KANK3: variants seen among roughly 807,000 people sequenced by gnomAD.
The protein encoded by KANK3 is KN motif and ankyrin repeat domain-containing protein 3.
A neutral mutation model predicts 65.4 loss-of-function variants in KANK3; 61 were observed. The observed-to-expected ratio is 0.93, with a 90% CI of 0.76 to 1.15. The LOEUF is 1.15. Among genes scored for constraint, KANK3 ranks in the 50% most tolerant of loss-of-function variants. KANK3 has a pLI of 0.00. For missense variants in KANK3, 1,187 were observed against 1,178.8 expected, an observed-to-expected ratio of 1.01 and a Z score of -0.10; for synonymous variants, 586 against 543.3, an observed-to-expected ratio of 1.08 and a Z score of -1.09.
Position 8,333,421 on chromosome 19 carries a change from G to A in KANK3, c.1720-191C>T, listed in dbSNP as rs1970566047. ...GGCTGGGGCCACACCCCTATCGGAG[G>A]GCAAACACGGGGGAAGGGGGTCCTT... On this transcript the variant is annotated intron_variant, in intron 6 of 10. Coordinates refer to ENST00000330915, the MANE Select transcript of KANK3 (RefSeq NM_198471.3). The surrounding 1 kb of genome is among the most constrained non-coding windows in gnomAD (Gnocchi z 5.0). Among the ~76,000 whole-genome samples, 1 of 152,200 alleles carries A rather than the reference G, an allele frequency of 6.6e-6. No individual in the cohort carries two copies. Among genetic ancestry groups the A allele is most frequent in the African/African-American group, 2.4e-5 (1 of 41,462 alleles).
intron 2 of KANK3, among the ~76,000 whole-genome samples, chr19:8,337,015 G>A (rs963989562): frequency 2.0e-5 from 3 of 146,764 alleles, no homozygotes; most frequent in Admixed American, 1.4e-4. Context: ...AGTGCCATAG[G>A]TGGGGTGTTT....
In KANK3 at chr19:8,324,666, G is replaced by T. The variant is rs1013364741; in HGVS notation, c.2247C>A (p.Leu749=). ...YGRLDTVRLL[L]TQPGCDPAIL... ...TGGCAGGGTCACAGCCTGGCTGGGT[G>T]AGCAGCAGCCGCACGGTGTCCAGGC... Residue 749 remains leucine, a synonymous_variant, in exon 9 of 11, where the codon CTC becomes CTA. Transcript: ENST00000330915. The T allele has an allele frequency of 1.2e-6, 2 of 1,613,894 alleles. No homozygotes were observed. The highest frequency in any genetic ancestry group is 1.7e-6 in the Non-Finnish European group (2 of 1,180,034).
In KANK3 at chr19:8,334,758, G is replaced by A. The variant is rs764515890; in HGVS notation, c.1069C>T (p.Leu357=). 4 of 1,508,410 alleles carry A rather than the reference G, an allele frequency of 2.7e-6. No homozygotes were observed. In the South Asian group the frequency reaches 3.7e-5, roughly 14 times the overall value. 93.4% of individuals were successfully genotyped at this position (1,508,410 alleles called of 1,614,324 possible). A position where few individuals can be genotyped will look rare whatever the true frequency, so the allele number is the denominator to read the frequency against. Residue 357 remains leucine, a synonymous_variant, in exon 3 of 11, where the codon CTG becomes TTG. Transcript: ENST00000330915. ...LPAAAERELE[L]LRASLEHQRG... ...TGGTGCTCCAGACTGGCGCGCAGCA[G>A]CTCTAGCTCGCGCTCGGCGGCCGCA...
intron 7 of KANK3, among the ~76,000 whole-genome samples, chr19:8,325,698 A>C (rs1367282746): frequency 6.6e-6 from 1 of 152,204 alleles, no homozygotes; most frequent in African/African-American, 2.4e-5. Flanking sequence ...TGTTGACTGA[A>C]TAATAAAAGG....
chr19:8,328,042 C>CCAA (rs1970458543), intron 7 of KANK3, among the ~76,000 whole-genome samples: 1 of 152,162 alleles, frequency 6.6e-6, no homozygotes, highest in South Asian at 2.1e-4. Flanking sequence ...ACACTGGAGG[C>CCAA]CAAGGCAGGA....
rs1461423988 is a variant in KANK3 at position 8,322,830 on chromosome 19, C to T, written c.*9G>A. ...CCACAGCTAGGTGTAGTGAGCCAGA[C>T]GAGGCAGCTTACTGAACCTGGGGGT... On this transcript the variant is annotated 3_prime_UTR_variant, in exon 11 of 11. Transcript: ENST00000330915. 1.8e-5 allele frequency: 29 copies of T among 1,601,898 alleles called. No homozygotes were observed. Among genetic ancestry groups the T allele is most frequent in the Non-Finnish European group, 2.3e-5 (27 of 1,172,332 alleles).
At chr19:8,323,357 G>A (rs535035975) in intron 10 of KANK3, 1 of 155,398 alleles carries the variant, frequency 6.4e-6, no homozygotes, top group Admixed American at 6.5e-5. Flanking sequence ...GCTGAAGTGT[G>A]GTTTTTACTA....
In KANK3 at chr19:8,324,508, G is replaced by A; in HGVS notation, c.2323C>T (p.Gln775Ter). The A allele has an allele frequency of 8.1e-6, 13 of 1,613,360 alleles. No homozygotes were observed. The highest frequency in any genetic ancestry group is 1.1e-5 in the Non-Finnish European group (13 of 1,179,700). ...TGTAGCAGAGCGGCCACCTCATCCT[G>A]CTCAGCCTCCAGGGCGATGGCCAGG... ...SALAIALEAEQDEVAALLHAH... is the reference protein window; with the variant it reads ...SALAIALEAE The change falls in exon 10 of 11, where the codon CAG (glutamine) becomes TAG (stop). Residue 775 changes from glutamine to a stop codon, truncating the protein, a stop_gained. Transcript: ENST00000330915. LOFTEE classifies it high-confidence loss of function.
Position 8,334,431 on chromosome 19 carries a change from G to T in KANK3, c.1328-12C>A. The T allele has an allele frequency of 6.2e-7, 1 of 1,613,394 alleles. No individual in the cohort carries two copies. The highest frequency in any genetic ancestry group is 8.5e-7 in the Non-Finnish European group (1 of 1,180,006). ...GGATTTGAGGATGCCTGGCGGGGAT[G>T]AGATGAGGGCACTGAGTTCGAGTCC... On this transcript the variant is annotated splice_polypyrimidine_tract_variant and intron_variant, in intron 3 of 10. Coordinates refer to ENST00000330915, the MANE Select transcript of KANK3 (RefSeq NM_198471.3).
Position 8,325,052 on chromosome 19 carries a change from G to A in KANK3, c.1981C>T (p.Leu661Phe). 1.9e-6 allele frequency: 3 copies of A among 1,613,930 alleles called. No individual in the cohort carries two copies. The highest frequency in any genetic ancestry group is 2.5e-6 in the Non-Finnish European group (3 of 1,180,024). ...ACAGAGGTGAGTGCAGCCAGCATGA[G>A]GGCCGAGTAGCCGGCTCGGTTCTGG... is the stretch of plus-strand genomic sequence containing the variant. ...NRQNRAGYSA[L>F]MLAALTSVRQ... The change falls in exon 8 of 11, where the codon CTC (leucine) becomes TTC (phenylalanine). Residue 661 changes from leucine (L) to phenylalanine (F), a missense_variant. Physicochemically the swap from Leu to Phe is conservative, Grantham distance 22 (BLOSUM62 0). Transcript: ENST00000330915.
At position 8,333,119 on chromosome 19, in the gene KANK3, G is replaced by A. The variant is rs1305428307; in HGVS notation, c.1831C>T (p.Leu611=). The A allele has an allele frequency of 1.2e-6, 2 of 1,613,020 alleles. No individual in the cohort carries two copies. The highest frequency in any genetic ancestry group is 1.3e-5 in the African/African-American group (1 of 74,936). ...LEGVRRLGPE[L]LAHVVNLADG... ...GCCAGGTTCACCACGTGCGCCAGCA[G>A]TTCGGGTCCCAGGCGCCTCACCCCT... The change falls in exon 7 of 11, where the codon CTG becomes TTG. Residue 611 remains leucine (L), a synonymous_variant. Coordinates refer to ENST00000330915, the MANE Select transcript of KANK3 (RefSeq NM_198471.3). The surrounding 1 kb of genome is among the most constrained non-coding windows in gnomAD (Gnocchi z 5.0).
At chr19:8,337,908 C>G (rs1004053206) in intron 1 of KANK3, 52 bp from the exon 2 acceptor site, 2 of 1,603,406 alleles carry the variant, frequency 1.2e-6, no homozygotes, top group African/African-American at 2.7e-5. Context: ...GCTGGAGCCT[C>G]TGGGGCCTGC....
chr19:8,331,044 T>G (rs1395883102), intron 7 of KANK3, among the ~76,000 whole-genome samples: 1 of 149,070 alleles, frequency 6.7e-6, no homozygotes, highest in Non-Finnish European at 1.5e-5. Flanking sequence ...AGTACAAAAA[T>G]TAGCCGGGCG....
intron 3 of KANK3, 35 bp from the exon 4 acceptor site, chr19:8,334,454 T>C: frequency 6.2e-7 from 1 of 1,611,456 alleles, no homozygotes; most frequent in Non-Finnish European, 8.5e-7. Context: ...TGAGTTCGAG[T>C]CCGGCGCCGA....
intron 1 of KANK3, among the ~76,000 whole-genome samples, chr19:8,341,780 T>G (rs1269401798): frequency 6.6e-6 from 1 of 152,172 alleles, no homozygotes; most frequent in Admixed American, 6.6e-5. Context: ...CATGAGCTAC[T>G]GCACCTGACC....
chr19:8,334,152 CCT>C, intron 4 of KANK3, 36 bp from the exon 5 acceptor site: 9 of 1,490,126 alleles, frequency 6.0e-6, no homozygotes, highest in Non-Finnish European at 8.0e-6. Context: ...CTAAACCTCC[CCT>C]GTGGGCTCGT....
At chr19:8,332,976 AT>A in intron 7 of KANK3, 37 bp downstream of exon 7, 1 of 437,220 alleles carries the variant, frequency 2.3e-6, no homozygotes. Flanking sequence ...CCCCCCACCC[AT>A]TTCCTGGTGT....
In KANK3 at chr19:8,335,711, G is replaced by A; in HGVS notation, c.116C>T (p.Pro39Leu). The part of the protein sequence containing the change: ...SPSSPYSVET[P>L]YGFHLDLDFL... Reference sequence around the variant, plus strand: ...GTCCAGGTCCAGGTGGAAGCCGTAGGGCGTCTCCACCGAGTAGGGCGAGCT... The same window carrying A: ...GTCCAGGTCCAGGTGGAAGCCGTAGAGCGTCTCCACCGAGTAGGGCGAGCT... The change falls in exon 3 of 11, where the codon CCC becomes CTC. Residue 39 changes from proline to leucine, a missense_variant. Coordinates refer to ENST00000330915, the MANE Select transcript of KANK3 (RefSeq NM_198471.3). The A allele has an allele frequency of 8.0e-7, 1 of 1,251,942 alleles. No homozygotes were observed. Among genetic ancestry groups the A allele is most frequent in the Non-Finnish European group, 1.0e-6 (1 of 994,144 alleles). 77.6% of individuals were successfully genotyped at this position (1,251,942 alleles called of 1,614,324 possible).
At position 8,335,211 on chromosome 19, in the gene KANK3, T is replaced by A; in HGVS notation, c.616A>T (p.Thr206Ser). ...ACCTGCTCCTGCAGCTCGGGCAGCG[T>A]TCGCGCCTGGTCCTCGAGCTCGCGC... Reference protein sequence around the residue: ...RLRELEDQARTLPELQEQVRA... With the variant: ...RLRELEDQARSLPELQEQVRA... The change falls in exon 3 of 11, where the codon ACG becomes TCG. Residue 206 changes from threonine (T) to serine (S), a missense_variant. Transcript: ENST00000330915. 1 of 1,220,610 alleles carries A rather than the reference T, an allele frequency of 8.2e-7. No homozygotes were observed. The highest frequency in any genetic ancestry group is 1.0e-6 in the Non-Finnish European group (1 of 980,238). The allele number at this position is 1,220,610 out of a possible 1,614,324, so 75.6% of individuals were successfully genotyped here.
Sources: allele counts gnomAD v4.1 joint callset (sites outside exome capture counted in the v4.1 genomes callset), GRCh38; gene constraint gnomAD v4.1.1; non-coding constraint Gnocchi (gnomAD v3.1); transcripts MANE v1.5; gene names NCBI Gene and HGNC (gene_info 2026-07-23, HGNC 2026-07-21).